The following RPL31 variants were observed in gnomAD, a reference collection of about 807,000 sequenced individuals.
RPL31 encodes large ribosomal subunit protein eL31.
For synonymous variants in RPL31, 51 were observed against 55.0 expected (o/e 0.93, Z 0.32); for missense variants, 95 against 164.0 (o/e 0.58, Z 2.30).
chr2:101,011,336 A>G, downstream of RPL31: 1 of 1,100,728 alleles, frequency 9.1e-7, no homozygotes, highest in Non-Finnish European at 1.4e-6. Context: ...GGGATAATTC[A>G]TTGGACGAAG....
chr2:101,017,387 ATATGC>A (rs1679733480), intron 4 of RPL31, among the ~76,000 whole-genome samples: 1 of 152,176 alleles, frequency 6.6e-6, no homozygotes, highest in African/African-American at 2.4e-5. Context: ...ATGTAATTTT[ATATGC>A]TATACTTTTA....
At chr2:101,002,552 C>T (rs1678580355) in intron 1 of RPL31, 150 bp from the exon 2 acceptor site, 11 of 654,302 alleles carry the variant, frequency 1.7e-5, no homozygotes, top group Non-Finnish European at 5.5e-6. Flanking sequence ...CGCAGGGGCG[C>T]GGGTGCGTGG....
Position 101,018,998 on chromosome 2 carries a change from T to TA in RPL31, c.347_348insA (p.Ser117PhefsTer86), listed in dbSNP as rs770009677. ...ATCATCTGTAATATTTCTGTGCTAGTTTCTGTGCTAAACAGTGTTACAGTC... is the reference window on the plus strand; with the variant it reads ...ATCATCTGTAATATTTCTGTGCTAGTATTCTGTGCTAAACAGTGTTACAGTC... On this transcript the variant is annotated frameshift_variant and splice_region_variant, in exon 5 of 5. Coordinates refer to the RPL31 transcript ENST00000409028. LOFTEE classifies it high-confidence loss of function. The TA allele has an allele frequency of 1.9e-6, 3 of 1,612,460 alleles. No homozygotes were observed. In the Admixed American group the frequency reaches 5.0e-5, roughly 27 times the overall value.
intron 4 of RPL31, among the ~76,000 whole-genome samples, chr2:101,014,961 A>T (rs1051137558): frequency 4.0e-5 from 6 of 151,010 alleles, no homozygotes; most frequent in African/African-American, 1.5e-4. Flanking sequence ...ATATTCTGTG[A>T]AATCTATTAT....
intron 1 of RPL31, 153 bp from the exon 2 acceptor site, chr2:101,002,549 G>T: frequency 1.5e-6 from 1 of 649,870 alleles, no homozygotes; most frequent in Non-Finnish European, 2.8e-6. Context: ...GGGCGCAGGG[G>T]CGCGGGTGCG....
chr2:101,007,283 T>A (rs1057591), downstream of RPL31: 38,792 of 152,404 alleles, frequency 0.25, 5,538 homozygotes, highest in South Asian at 0.38. Context: ...AAAGCATGGT[T>A]TGTACACAAC....
intron 4 of RPL31, among the ~76,000 whole-genome samples, chr2:101,014,459 T>C (rs1679465131): frequency 6.6e-6 from 1 of 152,254 alleles, no homozygotes; most frequent in Non-Finnish European, 1.5e-5. Flanking sequence ...TGTGAGATGC[T>C]GACCTTTGCA....
downstream of RPL31, among the ~76,000 whole-genome samples, chr2:101,012,010 A>C (rs187800245): frequency 1.6e-4 from 24 of 150,922 alleles, no homozygotes; most frequent in Non-Finnish European, 2.8e-4. Flanking sequence ...TTTCTTTTAA[A>C]AGTTGAAGAA....
At chr2:101,007,966 A>G, downstream of RPL31, 3 of 1,614,072 alleles carry the variant, frequency 1.9e-6, no homozygotes, top group Non-Finnish European at 2.5e-6. Context: ...CTGTTCAGTC[A>G]GAAGTGAAGC....
chr2:101,011,255 G>A, downstream of RPL31: 1 of 692,366 alleles, frequency 1.4e-6, no homozygotes, highest in Middle Eastern at 4.1e-4. Flanking sequence ...ACTTGGTGGT[G>A]GGGGCAAGGG....
chr2:101,004,061 A>C (rs2105348549), intron 2 of RPL31, 97 bp from the exon 3 acceptor site: 1 of 1,379,178 alleles, frequency 7.3e-7, no homozygotes, highest in Non-Finnish European at 9.9e-7. Context: ...GCTTAAAGTC[A>C]GTTTCCAGGA....
At chr2:101,008,323 CA>C, downstream of RPL31, 7 of 1,391,706 alleles carry the variant, frequency 5.0e-6, no homozygotes, top group South Asian at 1.6e-5. Context: ...GTGGAAGTGT[CA>C]TTTTTTTTTT....
At chr2:101,011,417 G>T, downstream of RPL31, 1 of 1,608,150 alleles carries the variant, frequency 6.2e-7, no homozygotes. Context: ...GCAGTGGTAT[G>T]CAGGGGAAAG....
chr2:101,012,774 G>A (rs184784602), intron 4 of RPL31, among the ~76,000 whole-genome samples: 15 of 152,304 alleles, frequency 9.8e-5, no homozygotes, highest in African/African-American at 3.1e-4. Context: ...GAACTTATTC[G>A]TAAACCATTT....
downstream of RPL31, among the ~76,000 whole-genome samples, chr2:101,009,019 C>T (rs1338794156): frequency 3.9e-5 from 6 of 152,130 alleles, no homozygotes; most frequent in Non-Finnish European, 5.9e-5. Context: ...TGAGACACTG[C>T]TGCTGAAATT....
At chr2:101,008,064 A>C, downstream of RPL31, 1 of 1,613,954 alleles carries the variant, frequency 6.2e-7, no homozygotes. Context: ...CAGTGTCTGC[A>C]AAAACCGAGT....
intron 4 of RPL31, among the ~76,000 whole-genome samples, chr2:101,015,536 G>GA (rs1354787217): frequency 6.6e-6 from 1 of 152,086 alleles, no homozygotes; most frequent in Non-Finnish European, 1.5e-5. Flanking sequence ...GTACAGCTGT[G>GA]AAAAATATTT....
intron 3 of RPL31, 42 bp from the exon 4 acceptor site, chr2:101,005,917 A>G: frequency 1.3e-6 from 2 of 1,542,968 alleles, no homozygotes; most frequent in Non-Finnish European, 1.8e-6. Context: ...GCTTGGTTGA[A>G]AGGAGGCATT....
chr2:101,017,022 A>G (rs1159485504), intron 4 of RPL31, among the ~76,000 whole-genome samples: 1 of 151,878 alleles, frequency 6.6e-6, no homozygotes, highest in Non-Finnish European at 1.5e-5. Context: ...ACATGTATAC[A>G]TATGTAACTA....
Sources: gnomAD v4.1 joint callset for allele counts (sites outside exome capture counted in the v4.1 genomes callset) on GRCh38, gnomAD v4.1.1 for gene constraint, MANE v1.5 for transcripts, NCBI Gene and HGNC (gene_info 2026-07-23, HGNC 2026-07-21) for gene names.